The following ZNF385B variants were observed in gnomAD, a reference collection of about 807,000 sequenced individuals.
The protein encoded by ZNF385B is zinc finger protein 533.
In ZNF385B, 23 loss-of-function variants were observed where a neutral mutation model predicts 39.2. That is an observed-to-expected ratio of 0.59 (90% CI 0.42 to 0.83). The LOEUF is 0.83. Ranked by LOEUF, ZNF385B falls within the 40% of genes least tolerant of loss-of-function variation. The probability of loss-of-function intolerance (pLI) is 0.00; values close to 1 mark genes in which losing one functional copy is unlikely to be tolerated. For synonymous variants in ZNF385B, 205 were observed against 222.6 expected, an observed-to-expected ratio of 0.92 and a Z score of 0.70; for missense variants, 552 against 598.9, an observed-to-expected ratio of 0.92 and a Z score of 0.82.
At chr2:179,844,153 C>T (rs1708683029) in intron 1 of ZNF385B, among the ~76,000 whole-genome samples, 1 of 152,190 alleles carries the variant, frequency 6.6e-6, no homozygotes, top group Non-Finnish European at 1.5e-5. Flanking sequence ...TGCGTAACCT[C>T]CTTAAAAACG....
intron 6 of ZNF385B, among the ~76,000 whole-genome samples, chr2:179,465,005 G>A (rs956697364): frequency 2.6e-5 from 4 of 152,144 alleles, no homozygotes; most frequent in Non-Finnish European, 5.9e-5. Flanking sequence ...GGAAGTGGGT[G>A]TGTGAAATAT....
At chr2:179,524,128 C>A (rs1396916487) in intron 4 of ZNF385B, among the ~76,000 whole-genome samples, 3 of 151,964 alleles carry the variant, frequency 2.0e-5, no homozygotes, top group African/African-American at 7.3e-5. Flanking sequence ...GGAAATCTTA[C>A]CTTAAACTTA....
chr2:179,759,636 T>C lies in ZNF385B; in HGVS notation c.298+9867A>G, dbSNP rs544896834. On this transcript the variant is annotated intron_variant, in intron 3 of 9. Transcript: ENST00000410066. Reference sequence around the variant, plus strand: ...TTCTTGAATAATTTGAAACTCATCTTTGAGTACTCATCTCAAAGATCACCT... The same window carrying C: ...TTCTTGAATAATTTGAAACTCATCTCTGAGTACTCATCTCAAAGATCACCT... Among the ~76,000 whole-genome samples the C allele has an allele frequency of 1.1e-3, 162 of 152,320 alleles. 2 individuals carry two copies. Among genetic ancestry groups the C allele is most frequent in the South Asian group, 0.01 (49 of 4,818 alleles).
At chr2:179,663,684 A>G (rs1468654284) in intron 3 of ZNF385B, among the ~76,000 whole-genome samples, 2 of 133,580 alleles carry the variant, frequency 1.5e-5, no homozygotes, top group East Asian at 2.3e-4. Flanking sequence ...CATTCCATCC[A>G]GCCTGGGCGA....
At chr2:179,645,306 T>G (rs1269541141) in intron 3 of ZNF385B, among the ~76,000 whole-genome samples, 1 of 152,208 alleles carries the variant, frequency 6.6e-6, no homozygotes, top group African/African-American at 2.4e-5. Context: ...TGTTAAGCCT[T>G]CCAGGGCTGG....
At chr2:179,711,260 G>A (rs10177883) in intron 3 of ZNF385B, among the ~76,000 whole-genome samples, 30,213 of 152,132 alleles carry the variant, frequency 0.2, 3,600 homozygotes, top group East Asian at 0.5. Context: ...TCTCTGTCTT[G>A]CAGCCCTATA....
intron 1 of ZNF385B, among the ~76,000 whole-genome samples, chr2:179,833,466 G>C (rs1476856369): frequency 6.6e-6 from 1 of 152,060 alleles, no homozygotes; most frequent in African/African-American, 2.4e-5. Context: ...AATTAAAGAA[G>C]AAAGTAATAA....
Position 179,721,208 on chromosome 2 carries a change from CAT to C in ZNF385B, c.298+48293_298+48294del, listed in dbSNP as rs561667623. 7.2e-4 allele frequency among the ~76,000 whole-genome samples: 110 copies of C among 152,048 alleles called. 1 individual carries two copies. The South Asian group carries it at 0.016, about 22-fold the overall frequency. The stretch of plus-strand genomic sequence containing the variant: ...ACAATGTTAGCAATGAAAAGAAAAA[CAT>C]AGAGATGTTTCAAAATTTTAAGTTG... On this transcript the variant is annotated intron_variant, in intron 3 of 9. Coordinates refer to ENST00000410066, the MANE Select transcript of ZNF385B (RefSeq NM_152520.6).
chr2:179,557,583 GTATATAA>G (rs2061015153), intron 3 of ZNF385B, among the ~76,000 whole-genome samples: 4 of 44,138 alleles, frequency 9.1e-5, no homozygotes, highest in Non-Finnish European at 1.8e-4. Context: ...TTATATACAT[GTATATAA>G]CATATATACA....
chr2:179,584,735 A>ACC (rs1192388776), intron 3 of ZNF385B, among the ~76,000 whole-genome samples: 1 of 152,160 alleles, frequency 6.6e-6, no homozygotes, highest in East Asian at 1.9e-4. Context: ...CTGAGGGACA[A>ACC]CCAGGTGTAG....
chr2:179,732,541 T>A (rs968284089), intron 3 of ZNF385B, among the ~76,000 whole-genome samples: 3 of 152,194 alleles, frequency 2.0e-5, no homozygotes. Flanking sequence ...ATAATATTAA[T>A]CAAACCTTTC....
chr2:179,498,892 T>C lies in ZNF385B; in HGVS notation c.553-15458A>G, dbSNP rs373603983. Among the ~76,000 whole-genome samples, 153 of 151,874 alleles carry C rather than the reference T, an allele frequency of 1.0e-3. 1 individual carries two copies. Among genetic ancestry groups the C allele is most frequent in the African/African-American group, 3.6e-3 (150 of 41,514 alleles). On this transcript the variant is annotated intron_variant, in intron 5 of 9. Coordinates refer to ENST00000410066, the MANE Select transcript of ZNF385B (RefSeq NM_152520.6). ...AATCAATGAAACAAAAATTTGACTT[T>C]GAAAAATGTTACGGAAAATTGGCAA...
intron 3 of ZNF385B, among the ~76,000 whole-genome samples, chr2:179,707,326 T>C (rs1166570012): frequency 6.6e-6 from 1 of 152,116 alleles, no homozygotes; most frequent in Non-Finnish European, 1.5e-5. Context: ...ATGGCATCCA[T>C]CACAAACCAC....
At position 179,861,354 on chromosome 2, in the gene ZNF385B, C is replaced by A. The variant is rs2105466259; in HGVS notation, c.-408G>T. ...CTTGCCCGCGCCGGGCTTAAGCGCC[C>A]GGCCGCTGCCCCCGCGCTGAGCGCC... On this transcript the variant is annotated 5_prime_UTR_variant, in exon 1 of 10. Coordinates refer to ENST00000410066, the MANE Select transcript of ZNF385B (RefSeq NM_152520.6). 6.6e-6 allele frequency: 1 copy of A among 150,478 alleles called. No homozygotes were observed. The allele number at this position is 150,478 out of a possible 1,614,324, so 9.3% of individuals were successfully genotyped here.
At chr2:179,531,080 G>A (rs2059222663) in intron 4 of ZNF385B, among the ~76,000 whole-genome samples, 1 of 152,086 alleles carries the variant, frequency 6.6e-6, no homozygotes, top group African/African-American at 2.4e-5. Flanking sequence ...TCAGGCCCCA[G>A]ATCTACCAGC....
At chr2:179,602,078 T>C (rs1355375962) in intron 3 of ZNF385B, among the ~76,000 whole-genome samples, 1 of 152,200 alleles carries the variant, frequency 6.6e-6, no homozygotes, top group Non-Finnish European at 1.5e-5. Context: ...TTGTAGTATA[T>C]TCTACAAGAA....
chr2:179,498,322 T>C (rs1222853829), intron 5 of ZNF385B, among the ~76,000 whole-genome samples: 1 of 151,634 alleles, frequency 6.6e-6, no homozygotes, highest in Non-Finnish European at 1.5e-5. Flanking sequence ...ATAACAAGTC[T>C]ACATATAGAC....
intron 3 of ZNF385B, among the ~76,000 whole-genome samples, chr2:179,724,266 G>A (rs767266039): frequency 4.6e-5 from 7 of 152,120 alleles, no homozygotes; most frequent in South Asian, 2.1e-4. Context: ...CCAAGATTGC[G>A]CCACTGCACT....
chr2:179,634,147 G>A (rs538212898), intron 3 of ZNF385B, among the ~76,000 whole-genome samples: 1 of 152,252 alleles, frequency 6.6e-6, no homozygotes, highest in East Asian at 1.9e-4. Flanking sequence ...ACACAGGCAT[G>A]GGCAAGGACT....
Sources: gnomAD v4.1 joint callset for allele counts (sites outside exome capture counted in the v4.1 genomes callset) on GRCh38, gnomAD v4.1.1 for gene constraint, MANE v1.5 for transcripts, NCBI Gene and HGNC (gene_info 2026-07-23, HGNC 2026-07-21) for gene names.